PLD5: variants seen among roughly 807,000 people sequenced by gnomAD.
PLD5 encodes the protein phospholipase D family member 5.
In PLD5, 36 loss-of-function variants were observed where a neutral mutation model predicts 61.1. The observed-to-expected ratio is 0.59, with a 90% CI of 0.45 to 0.78. PLD5 has a LOEUF of 0.78. Ranked by LOEUF, PLD5 falls within the 30% of genes least tolerant of loss-of-function variation. PLD5 has a pLI of 0.00. For synonymous variants in PLD5, 243 were observed against 242.8 expected, an observed-to-expected ratio of 1.00 and a Z score of -0.01; for missense variants, 515 against 644.4, an observed-to-expected ratio of 0.80 and a Z score of 2.17.
chr1:242,254,313 G>C (rs930427842), intron 4 of PLD5, among the ~76,000 whole-genome samples: 38 of 144,408 alleles, frequency 2.6e-4, no homozygotes, highest in Non-Finnish European at 1.0e-4. Context: ...AATTCTCATA[G>C]CTCTCAGGGA....
intron 2 of PLD5, among the ~76,000 whole-genome samples, chr1:242,321,901 G>C (rs906888664): frequency 2.0e-5 from 3 of 152,168 alleles, no homozygotes; most frequent in African/African-American, 7.2e-5. Context: ...CTACGCAGTT[G>C]TGTAGGGATT....
intron 5 of PLD5, among the ~76,000 whole-genome samples, chr1:242,198,070 CTGAATGAATGAA>C (rs58830670): frequency 4.3e-4 from 65 of 150,382 alleles, no homozygotes; most frequent in Non-Finnish European, 8.6e-4. Flanking sequence ...CAAATCCTTG[CTGAATGAATGAA>C]TGAATGAATG....
At chr1:242,208,588 C>T (rs1487128420) in intron 5 of PLD5, among the ~76,000 whole-genome samples, 1 of 152,150 alleles carries the variant, frequency 6.6e-6, no homozygotes, top group Non-Finnish European at 1.5e-5. Context: ...AGATTAGATG[C>T]ATCAGTGATT....
At chr1:242,321,490 A>G (rs1658406767) in intron 2 of PLD5, among the ~76,000 whole-genome samples, 1 of 152,160 alleles carries the variant, frequency 6.6e-6, no homozygotes, top group South Asian at 2.1e-4. Flanking sequence ...ATTTTAGTAG[A>G]GACGGTGTTT....
At chr1:242,344,273 T>C (rs1660006921) in intron 2 of PLD5, among the ~76,000 whole-genome samples, 1 of 152,134 alleles carries the variant, frequency 6.6e-6, no homozygotes, top group Admixed American at 6.5e-5. Flanking sequence ...CCGAAGCCAA[T>C]AGCCTCTAAT....
chr1:242,113,748 A>C (rs1415714804), intron 7 of PLD5, 142 bp downstream of exon 7: 6 of 1,041,292 alleles, frequency 5.8e-6, no homozygotes, highest in Non-Finnish European at 7.9e-6. Flanking sequence ...TTGCCAATGC[A>C]TGTTAAACAG....
chr1:242,198,488 T>A (rs1668782244), intron 5 of PLD5, among the ~76,000 whole-genome samples: 1 of 151,354 alleles, frequency 6.6e-6, no homozygotes, highest in African/African-American at 2.4e-5. Context: ...CTGATCAGAG[T>A]AAAAACTTTA....
intron 6 of PLD5, among the ~76,000 whole-genome samples, chr1:242,123,583 C>T (rs1299630785): frequency 6.6e-6 from 1 of 152,142 alleles, no homozygotes; most frequent in Non-Finnish European, 1.5e-5. Context: ...TTGCACAGCT[C>T]TGAGATGTGG....
intron 4 of PLD5, among the ~76,000 whole-genome samples, chr1:242,226,273 G>A (rs1670935597): frequency 1.3e-5 from 2 of 152,246 alleles, no homozygotes; most frequent in South Asian, 4.2e-4. Context: ...ATCTCCGGAT[G>A]TCAACCGAGA....
intron 1 of PLD5, among the ~76,000 whole-genome samples, chr1:242,483,703 G>C (rs1056214292): frequency 6.6e-6 from 1 of 152,110 alleles, no homozygotes; most frequent in African/African-American, 2.4e-5. Context: ...TCTGCACCAA[G>C]CAGACCTAAT....
intron 2 of PLD5, among the ~76,000 whole-genome samples, chr1:242,340,812 C>T (rs375830385): frequency 4.6e-5 from 7 of 152,010 alleles, no homozygotes; most frequent in Admixed American, 1.3e-4. Flanking sequence ...GTCTGGAATA[C>T]GAAGAAATGA....
At chr1:242,478,123 A>C (rs1034742439) in intron 1 of PLD5, among the ~76,000 whole-genome samples, 4 of 152,202 alleles carry the variant, frequency 2.6e-5, no homozygotes, top group African/African-American at 9.6e-5. Context: ...AATGCCATTA[A>C]ATCTGGGCAC....
chr1:242,418,079 A>C (rs756076677), intron 1 of PLD5, among the ~76,000 whole-genome samples: 3 of 152,198 alleles, frequency 2.0e-5, no homozygotes, highest in Admixed American at 6.5e-5. Context: ...ATGTAGTTTA[A>C]ACTAGGATGT....
chr1:242,383,776 A>T (rs1381527584), intron 1 of PLD5, among the ~76,000 whole-genome samples: 2 of 152,182 alleles, frequency 1.3e-5, no homozygotes, highest in Non-Finnish European at 2.9e-5. Flanking sequence ...AGCATATGAC[A>T]CAAAAATCTT....
intron 5 of PLD5, among the ~76,000 whole-genome samples, chr1:242,151,221 C>T (rs1339091906): frequency 1.3e-5 from 2 of 151,788 alleles, no homozygotes; most frequent in African/African-American, 4.8e-5. Context: ...AAAATATTTA[C>T]TTTCATTTAT....
intron 1 of PLD5, among the ~76,000 whole-genome samples, chr1:242,513,683 C>A (rs556954259): frequency 1.3e-5 from 2 of 152,336 alleles, no homozygotes; most frequent in East Asian, 3.9e-4. Flanking sequence ...TAATTATAAT[C>A]ACACAAAGAT....
chr1:242,140,383 C>A (rs908244504), intron 5 of PLD5, among the ~76,000 whole-genome samples: 2 of 152,162 alleles, frequency 1.3e-5, no homozygotes, highest in African/African-American at 4.8e-5. Context: ...GTGGCTCATG[C>A]CTGTAATCCC....
chr1:242,503,214 C>T (rs1251575338), intron 1 of PLD5, among the ~76,000 whole-genome samples: 2 of 152,160 alleles, frequency 1.3e-5, no homozygotes, highest in Non-Finnish European at 2.9e-5. Flanking sequence ...GTCAGGATCA[C>T]GGGCACAGAT....
chr1:242,456,504 A>G (rs1250733990), intron 1 of PLD5, among the ~76,000 whole-genome samples: 1 of 152,202 alleles, frequency 6.6e-6, no homozygotes, highest in Non-Finnish European at 1.5e-5. Context: ...ATCTGTTTAG[A>G]TTTAAAGTGA....
Sources: gnomAD v4.1 joint callset for allele counts (sites outside exome capture counted in the v4.1 genomes callset) on GRCh38, gnomAD v4.1.1 for gene constraint, MANE v1.5 for transcripts, NCBI Gene and HGNC (gene_info 2026-07-23, HGNC 2026-07-21) for gene names.